TTC39C: variants seen among roughly 807,000 people sequenced by gnomAD.
TTC39C encodes tetratricopeptide repeat domain 39C.
A neutral mutation model predicts 76.3 loss-of-function variants in TTC39C; 33 were observed. That is an observed-to-expected ratio of 0.43 (90% CI 0.33 to 0.58). The LOEUF (loss-of-function observed/expected upper bound fraction) is 0.58. Ranked by LOEUF, TTC39C falls within the 20% of genes least tolerant of loss-of-function variation. The pLI is 0.04. For synonymous variants in TTC39C, 254 were observed against 260.6 expected (o/e 0.97, Z 0.24); for missense variants, 595 against 701.4 (o/e 0.85, Z 1.71).
At chr18:23,995,409 G>C (rs2083253464) in intron 1 of TTC39C, among the ~76,000 whole-genome samples, 1 of 152,112 alleles carries the variant, frequency 6.6e-6, no homozygotes, top group Non-Finnish European at 1.5e-5. Context: ...GGTGGAGGTT[G>C]CAGTGAGCCA....
At chr18:24,044,253 A>G (rs1477069123) in intron 1 of TTC39C, among the ~76,000 whole-genome samples, 1 of 152,168 alleles carries the variant, frequency 6.6e-6, no homozygotes, top group Non-Finnish European at 1.5e-5. Flanking sequence ...GTGGATGTGC[A>G]GAGGCTGCGA....
At chr18:24,116,674 T>A (rs1346975407) in intron 7 of TTC39C, among the ~76,000 whole-genome samples, 1 of 152,216 alleles carries the variant, frequency 6.6e-6, no homozygotes, top group Non-Finnish European at 1.5e-5. Context: ...AGTCTCAGTT[T>A]ACACAATTAC....
In TTC39C at chr18:24,077,511, A is replaced by G. The variant is rs947489262; in HGVS notation, c.461-3074A>G. 3.9e-5 allele frequency among the ~76,000 whole-genome samples: 6 copies of G among 152,158 alleles called. No individual in the cohort carries two copies. In the East Asian group the frequency reaches 1.2e-3, roughly 29 times the overall value. ...GACCCAATAGAGCATTTAAATATGT[A>G]TGTTAAGTTGCATGCTTATTTTTTC... is the stretch of plus-strand genomic sequence containing the variant. On this transcript the variant is annotated intron_variant, in intron 4 of 13. Transcript: ENST00000317571.
chr18:24,001,496 C>G (rs2145626121), intron 1 of TTC39C: 1 of 152,292 alleles, frequency 6.6e-6, no homozygotes, highest in African/African-American at 2.4e-5. Flanking sequence ...CTCTGTCTTC[C>G]CCCTTGAGTC....
chr18:24,064,205 A>C lies in TTC39C; in HGVS notation c.216+17A>C. On this transcript the variant is annotated intron_variant, in intron 2 of 13. Transcript: ENST00000317571. Reference sequence around the variant, plus strand: ...AGTTTTTTGGTAAGTTGATATCTTAAGACCTATTGGCATGAAGGAAACAAT... The same window carrying C: ...AGTTTTTTGGTAAGTTGATATCTTACGACCTATTGGCATGAAGGAAACAAT... 1 of 1,613,390 alleles carries C rather than the reference A, an allele frequency of 6.2e-7. No homozygotes were observed.
At chr18:24,048,814 T>G (rs2083916639) in intron 1 of TTC39C, among the ~76,000 whole-genome samples, 1 of 152,260 alleles carries the variant, frequency 6.6e-6, no homozygotes, top group African/African-American at 2.4e-5. Flanking sequence ...GACTAGAAGT[T>G]ATTTTTAGGC....
intron 6 of TTC39C, among the ~76,000 whole-genome samples, chr18:24,092,979 G>T (rs1480417041): frequency 6.6e-6 from 1 of 152,088 alleles, no homozygotes. Context: ...GAGGTGGGAG[G>T]ATCATCTGAG....
chr18:24,054,311 G>C (rs1026472868), intron 1 of TTC39C, among the ~76,000 whole-genome samples: 7 of 152,148 alleles, frequency 4.6e-5, no homozygotes, highest in African/African-American at 7.2e-5. Context: ...TATTCTGTTT[G>C]GTTGGCTGGA....
At chr18:24,027,159 G>GCA (rs2083608623) in intron 1 of TTC39C, among the ~76,000 whole-genome samples, 1 of 152,074 alleles carries the variant, frequency 6.6e-6, no homozygotes, top group Non-Finnish European at 1.5e-5. Context: ...GAGCGTGGTG[G>GCA]TGGGTGCCTG....
intron 1 of TTC39C, among the ~76,000 whole-genome samples, chr18:24,016,338 T>C (rs1200141423): frequency 6.6e-6 from 1 of 152,214 alleles, no homozygotes; most frequent in Non-Finnish European, 1.5e-5. Flanking sequence ...AAGGTTTACT[T>C]GTCACACAAT....
Position 24,133,215 on chromosome 18 carries a change from T to C in TTC39C, c.*641T>C, listed in dbSNP as rs1599357743. Reference sequence around the variant, plus strand: ...AACTGACTTTTATTGTAAAAATAATTCATGTTAATAGGCCAGAATTCCATG... The same window carrying C: ...AACTGACTTTTATTGTAAAAATAATCCATGTTAATAGGCCAGAATTCCATG... On this transcript the variant is annotated 3_prime_UTR_variant, in exon 14 of 14. Coordinates refer to ENST00000317571, the MANE Select transcript of TTC39C (RefSeq NM_001135993.2). The C allele has an allele frequency of 6.6e-6, 1 of 152,316 alleles. No homozygotes were observed. The highest frequency in any genetic ancestry group is 2.1e-4 in the South Asian group (1 of 4,828). 9.4% of individuals were successfully genotyped at this position (152,316 alleles called of 1,614,324 possible).
intron 1 of TTC39C, among the ~76,000 whole-genome samples, chr18:24,000,760 T>C (rs1022163219): frequency 6.6e-6 from 1 of 152,196 alleles, no homozygotes; most frequent in Non-Finnish European, 1.5e-5. Flanking sequence ...GCTGTTGTCA[T>C]CTTAAAATTC....
chr18:24,034,399 A>T (rs1463756517), intron 1 of TTC39C, among the ~76,000 whole-genome samples: 1 of 152,238 alleles, frequency 6.6e-6, no homozygotes. Flanking sequence ...TGTAAAATAA[A>T]TGTTTTGCTA....
intron 7 of TTC39C, among the ~76,000 whole-genome samples, chr18:24,116,723 G>A (rs545928527): frequency 1.2e-4 from 18 of 152,026 alleles, no homozygotes; most frequent in African/African-American, 4.1e-4. Context: ...TTTTATGGAG[G>A]CAGTATCATG....
In TTC39C at chr18:24,133,239, T is replaced by C. The variant is rs548849567; in HGVS notation, c.*665T>C. The C allele has an allele frequency of 6.6e-6, 1 of 152,348 alleles. No homozygotes were observed. Among genetic ancestry groups the C allele is most frequent in the South Asian group, 2.1e-4 (1 of 4,834 alleles). 9.4% of individuals were successfully genotyped at this position (152,348 alleles called of 1,614,324 possible). A position where few individuals can be genotyped will look rare whatever the true frequency, so the allele number is the denominator to read the frequency against. ...TTCATGTTAATAGGCCAGAATTCCA[T>C]GTTTTACTTATTAAAAGAACAAAAT... is the stretch of plus-strand genomic sequence containing the variant. On this transcript the variant is annotated 3_prime_UTR_variant, in exon 14 of 14. Transcript: ENST00000317571.
rs147981308 is a variant in TTC39C at position 24,007,546 on chromosome 18, G to C, written c.-17+14508G>C. Reference sequence around the variant, plus strand: ...TTACAGATGGGTGCCACCAGGCCTGGCTAGTTTTTGTATTTTTAGTAGAGA... The same window carrying C: ...TTACAGATGGGTGCCACCAGGCCTGCCTAGTTTTTGTATTTTTAGTAGAGA... On this transcript the variant is annotated intron_variant, in intron 1 of 13. Transcript: ENST00000304621. Among the ~76,000 whole-genome samples the C allele has an allele frequency of 8.5e-5, 13 of 152,196 alleles. 1 individual carries two copies. The East Asian group carries it at 2.5e-3, about 29-fold the overall frequency.
In TTC39C at chr18:24,130,322, C is replaced by T. The variant is rs1432518225; in HGVS notation, c.1528C>T (p.Arg510Ter). 3.8e-6 allele frequency: 6 copies of T among 1,564,966 alleles called. No individual in the cohort carries two copies. Among genetic ancestry groups the T allele is most frequent in the Admixed American group, 1.9e-5 (1 of 53,324 alleles). Residue 510 changes from arginine to a stop codon, truncating the protein, a stop_gained, in exon 12 of 14, where the codon CGA becomes TGA. Coordinates refer to ENST00000317571, the MANE Select transcript of TTC39C (RefSeq NM_001135993.2). LOFTEE classifies it high-confidence loss of function. ...NSEDAVQYFQ[R>*]AVKDELCRQN... ...TTTGCATTCCTTTCAGTACTTCCAG[C>T]GAGCTGTTAAAGATGAATTGTGTCG...
At chr18:24,036,904 A>G (rs2083739209) in intron 1 of TTC39C, among the ~76,000 whole-genome samples, 1 of 152,186 alleles carries the variant, frequency 6.6e-6, no homozygotes, top group African/African-American at 2.4e-5. Flanking sequence ...AAGTGCTGGG[A>G]TTACAGACGT....
intron 1 of TTC39C, among the ~76,000 whole-genome samples, chr18:24,049,279 C>A (rs1326033050): frequency 1.3e-5 from 2 of 152,188 alleles, no homozygotes; most frequent in Non-Finnish European, 2.9e-5. Context: ...TTATTAACTT[C>A]ATTCAATAAA....
Sources: gnomAD v4.1 joint callset for allele counts (sites outside exome capture counted in the v4.1 genomes callset) on GRCh38, gnomAD v4.1.1 for gene constraint, MANE v1.5 for transcripts, NCBI Gene and HGNC (gene_info 2026-07-23, HGNC 2026-07-21) for gene names.